The following TTC7B variants were observed in gnomAD, a reference collection of about 807,000 sequenced individuals.
The protein encoded by TTC7B is tetratricopeptide repeat protein 7B.
In TTC7B, 28 loss-of-function variants were observed where a neutral mutation model predicts 106.8. That is an observed-to-expected ratio of 0.26 (90% CI 0.19 to 0.36). TTC7B has a LOEUF of 0.36. Among genes scored for constraint, TTC7B ranks in the 10% least tolerant of loss-of-function variants. The probability of loss-of-function intolerance (pLI) is 1.00; values close to 1 mark genes in which losing one functional copy is unlikely to be tolerated. For missense variants in TTC7B, 862 were observed against 1,076.4 expected (o/e 0.80, Z 2.79); for synonymous variants, 405 against 430.6 (o/e 0.94, Z 0.74).
chr14:90,758,854 C>T (rs964581962), intron 3 of TTC7B, among the ~76,000 whole-genome samples: 1 of 152,226 alleles, frequency 6.6e-6, no homozygotes, highest in Non-Finnish European at 1.5e-5. Flanking sequence ...CAAATGGGGG[C>T]TCTATTCCTG....
chr14:90,647,181 C>T lies in TTC7B; in HGVS notation c.1518-158G>A. 4.6e-6 allele frequency: 3 copies of T among 650,880 alleles called. No homozygotes were observed. The South Asian group carries it at 5.4e-5, about 12-fold the overall frequency. 40.3% of individuals were successfully genotyped at this position (650,880 alleles called of 1,614,324 possible). ...TAAACTCTTCTTCTTTGTCCACCTACACATGTAAACCATTTCCCTCTTACC... is the reference window on the plus strand; with the variant it reads ...TAAACTCTTCTTCTTTGTCCACCTATACATGTAAACCATTTCCCTCTTACC... On this transcript the variant is annotated intron_variant, in intron 13 of 19. Coordinates refer to ENST00000328459, the MANE Select transcript of TTC7B (RefSeq NM_001010854.2).
chr14:90,608,131 C>T lies in TTC7B; in HGVS notation c.1966+2611G>A, dbSNP rs1250968721. 1.3e-5 allele frequency among the ~76,000 whole-genome samples: 2 copies of T among 152,168 alleles called. No homozygotes were observed. Among genetic ancestry groups the T allele is most frequent in the Non-Finnish European group, 2.9e-5 (2 of 68,026 alleles). ...AGGTGTGTGAATGACAGCATCTGCC[C>T]CTTCTTGACTGCACCATGAGCTGAA... is the stretch of plus-strand genomic sequence containing the variant. On this transcript the variant is annotated intron_variant, in intron 17 of 19. Transcript: ENST00000328459. The surrounding 1 kb of genome is among the most constrained non-coding windows in gnomAD (Gnocchi z 5.1).
At chr14:90,556,653 C>T (rs1026066204) in intron 19 of TTC7B, among the ~76,000 whole-genome samples, 8 of 152,208 alleles carry the variant, frequency 5.3e-5, no homozygotes, top group Admixed American at 2.0e-4. Context: ...GACTGATCCT[C>T]GTGGTGGAAA....
intron 15 of TTC7B, among the ~76,000 whole-genome samples, chr14:90,623,682 C>T (rs1313868424): frequency 6.6e-6 from 1 of 152,178 alleles, no homozygotes; most frequent in East Asian, 1.9e-4. Context: ...GTTTGGGCTA[C>T]CAGGGTGTTG....
At chr14:90,574,806 T>C (rs967320556) in intron 19 of TTC7B, among the ~76,000 whole-genome samples, 1 of 152,130 alleles carries the variant, frequency 6.6e-6, no homozygotes, top group Non-Finnish European at 1.5e-5. Context: ...TGACTGCTTG[T>C]CCCCTGGCTC....
intron 19 of TTC7B, among the ~76,000 whole-genome samples, chr14:90,557,090 G>T (rs1162462219): frequency 6.6e-6 from 1 of 151,828 alleles, no homozygotes; most frequent in Non-Finnish European, 1.5e-5. Context: ...TAGAAACTCT[G>T]ACCCCACTCT....
intron 9 of TTC7B, among the ~76,000 whole-genome samples, chr14:90,668,397 CAGAATTTGAACACAGATCT>C (rs1243351872): frequency 6.6e-6 from 1 of 152,118 alleles, no homozygotes; most frequent in African/African-American, 2.4e-5. Context: ...AGGGCAGAGC[CAGAATTTGAACACAGATCT>C]CCCTGACTCC....
chr14:90,782,041 T>G (rs2140037083), intron 2 of TTC7B, among the ~76,000 whole-genome samples: 1 of 152,364 alleles, frequency 6.6e-6, no homozygotes, highest in South Asian at 2.1e-4. Flanking sequence ...CTATTTATAC[T>G]GTAACCTAGA....
chr14:90,766,488 A>C, intron 3 of TTC7B: 1 of 672,920 alleles, frequency 1.5e-6, no homozygotes, highest in Non-Finnish European at 2.7e-6. Flanking sequence ...CCAATAAGAA[A>C]TTCTGGACAG....
chr14:90,603,221 C>G (rs771396308), intron 17 of TTC7B: 4 of 1,269,874 alleles, frequency 3.1e-6, no homozygotes, highest in Non-Finnish European at 4.1e-6. Context: ...TGGAGGCCCT[C>G]GGAAGGATTA....
intron 15 of TTC7B, among the ~76,000 whole-genome samples, chr14:90,626,039 A>G (rs1884423048): frequency 6.6e-6 from 1 of 152,142 alleles, no homozygotes; most frequent in African/African-American, 2.4e-5. Context: ...CTCACCTTAG[A>G]CTTACTGAGT....
chr14:90,666,757 T>C (rs1041771373), intron 9 of TTC7B, among the ~76,000 whole-genome samples: 1 of 152,212 alleles, frequency 6.6e-6, no homozygotes, highest in African/African-American at 2.4e-5. Context: ...AGAGTTTTAT[T>C]GCTTTGGCAA....
intron 19 of TTC7B, among the ~76,000 whole-genome samples, chr14:90,567,915 C>A (rs965375284): frequency 2.0e-5 from 3 of 152,184 alleles, no homozygotes; most frequent in Non-Finnish European, 2.9e-5. Context: ...ACAGGATATT[C>A]TCCCTAGACC....
intron 15 of TTC7B, among the ~76,000 whole-genome samples, chr14:90,621,885 C>T (rs1884215727): frequency 6.6e-6 from 1 of 152,146 alleles, no homozygotes; most frequent in South Asian, 2.1e-4. Flanking sequence ...TACATTAGCA[C>T]AGAAACGAAG....
At chr14:90,743,179 G>A (rs1353902690) in intron 4 of TTC7B, among the ~76,000 whole-genome samples, 2 of 152,180 alleles carry the variant, frequency 1.3e-5, no homozygotes, top group Admixed American at 1.3e-4. Context: ...AGACAGACAT[G>A]TATCTTCCTG....
At chr14:90,658,510 T>A in intron 9 of TTC7B, 123 bp from the exon 10 acceptor site, 1 of 909,864 alleles carries the variant, frequency 1.1e-6, no homozygotes, top group South Asian at 1.5e-5. Context: ...CCTTGAATGC[T>A]TAAAACATAA....
chr14:90,778,064 C>T (rs1335337752), intron 3 of TTC7B, among the ~76,000 whole-genome samples: 2 of 152,024 alleles, frequency 1.3e-5, no homozygotes, highest in African/African-American at 4.8e-5. Flanking sequence ...TGGTCAGGGC[C>T]GATGCTCATA....
intron 17 of TTC7B, among the ~76,000 whole-genome samples, chr14:90,603,059 C>A (rs1017213554): frequency 6.6e-6 from 1 of 152,140 alleles, no homozygotes. Flanking sequence ...ATATATAAAC[C>A]CAAGCTGCGC....
At position 90,531,664 on chromosome 14, in the gene TTC7B, A is replaced by G. The variant is rs1889292998; in HGVS notation, c.*9704T>C. On this transcript the variant is annotated 3_prime_UTR_variant, in exon 20 of 20. Coordinates refer to ENST00000328459, the MANE Select transcript of TTC7B (RefSeq NM_001010854.2). Reference sequence around the variant, plus strand: ...AAAAAGCCGTGGGTGAACTGGCTTCATTTCTATACAGGAGCTCTGTCCATC... The same window carrying G: ...AAAAAGCCGTGGGTGAACTGGCTTCGTTTCTATACAGGAGCTCTGTCCATC... 6.7e-6 allele frequency: 1 copy of G among 149,968 alleles called. No individual in the cohort carries two copies. Among genetic ancestry groups the G allele is most frequent in the Non-Finnish European group, 1.5e-5 (1 of 67,812 alleles). The allele number at this position is 149,968 out of a possible 1,614,324, so 9.3% of individuals were successfully genotyped here. A position where few individuals can be genotyped will look rare whatever the true frequency, so the allele number is the denominator to read the frequency against.
Sources: gnomAD v4.1 joint callset for allele counts (sites outside exome capture counted in the v4.1 genomes callset) on GRCh38, gnomAD v4.1.1 for gene constraint, Gnocchi (gnomAD v3.1) non-coding constraint, MANE v1.5 for transcripts, NCBI Gene and HGNC (gene_info 2026-07-23, HGNC 2026-07-21) for gene names.